NGDN: variants seen among roughly 807,000 people sequenced by gnomAD.
NGDN encodes the protein EIF4E-binding protein.
In NGDN, 41 loss-of-function variants were observed where a neutral mutation model predicts 45.2. The observed-to-expected ratio is 0.91, with a 90% CI of 0.71 to 1.18. The LOEUF (loss-of-function observed/expected upper bound fraction) is 1.18, where lower values mean the gene tolerates loss of function less well. Among genes scored for constraint, NGDN ranks in the 50% most tolerant of loss-of-function variants. The probability of loss-of-function intolerance (pLI) is 0.00; values close to 1 mark genes in which losing one functional copy is unlikely to be tolerated. For missense variants in NGDN, 402 were observed against 399.9 expected, an observed-to-expected ratio of 1.01 and a Z score of -0.05; for synonymous variants, 137 against 130.9, an observed-to-expected ratio of 1.05 and a Z score of -0.32.
In NGDN at chr14:23,475,721, T is replaced by C. The variant is rs770656290; in HGVS notation, c.368-5T>C. ...TTGTAAAATTCATTGGGTTATTTAT[T>C]TCAGGTGAGAATGACCCACTTCGTT... On this transcript the variant is annotated splice_region_variant and splice_polypyrimidine_tract_variant and intron_variant, in intron 5 of 10. Coordinates refer to ENST00000408901, the MANE Select transcript of NGDN (RefSeq NM_001042635.2). The C allele has an allele frequency of 3.7e-6, 6 of 1,614,022 alleles. No homozygotes were observed. Among genetic ancestry groups the C allele is most frequent in the Non-Finnish European group, 4.2e-6 (5 of 1,179,984 alleles).
At chr14:23,471,004 C>T in intron 3 of NGDN, 27 bp downstream of exon 3, 2 of 1,435,908 alleles carry the variant, frequency 1.4e-6, no homozygotes, top group Non-Finnish European at 1.9e-6. Context: ...CAGTAAGCAT[C>T]CCCTGACTTA....
intron 3 of NGDN, among the ~76,000 whole-genome samples, chr14:23,473,374 T>C (rs750410329): frequency 1.9e-4 from 29 of 152,384 alleles, no homozygotes; most frequent in Admixed American, 7.8e-4. Context: ...TAGATCCCTA[T>C]ATATTTGTTT....
At chr14:23,471,221 G>T (rs934642899) in intron 3 of NGDN, 4 of 365,848 alleles carry the variant, frequency 1.1e-5, no homozygotes, top group Admixed American at 9.3e-5. Context: ...ACTGCCAGAA[G>T]AGCAGAGGGA....
intron 3 of NGDN, among the ~76,000 whole-genome samples, chr14:23,473,646 G>A (rs898099780): frequency 3.9e-5 from 6 of 151,986 alleles, no homozygotes; most frequent in African/African-American, 9.7e-5. Flanking sequence ...CCAACATGGC[G>A]AAACCCCGTC....
rs887113091 is a variant in NGDN, at chr14:23,475,795, T to G, written c.420+17T>G. 6.2e-7 allele frequency: 1 copy of G among 1,609,180 alleles called. No homozygotes were observed. The highest frequency in any genetic ancestry group is 1.1e-5 in the South Asian group (1 of 90,776). On this transcript the variant is annotated intron_variant, in intron 6 of 10. Coordinates refer to ENST00000408901, the MANE Select transcript of NGDN (RefSeq NM_001042635.2). ...ATGAGCAAGGTAAGGGGTTGTAGTA[T>G]TCTCCTGATTTTTTTCTGAGGCAGC...
chr14:23,472,114 G>C (rs947002703), intron 3 of NGDN, among the ~76,000 whole-genome samples: 5 of 150,458 alleles, frequency 3.3e-5, no homozygotes, highest in Non-Finnish European at 7.4e-5. Flanking sequence ...GAGCCCAGGA[G>C]GTCGAGGCTG....
rs547054102 is a variant in NGDN at position 23,475,064 on chromosome 14, G to T, written c.145-107G>T. 4 of 1,199,596 alleles carry T rather than the reference G, an allele frequency of 3.3e-6. No homozygotes were observed. In the African/African-American group the frequency reaches 4.6e-5, roughly 14 times the overall value. The allele number at this position is 1,199,596 out of a possible 1,614,324, so 74.3% of individuals were successfully genotyped here. ...CTATTCCAGATACCTAATATGAACTGATTGGGAAAATCTTGAACTTGGAAA... is the reference window on the plus strand; with the variant it reads ...CTATTCCAGATACCTAATATGAACTTATTGGGAAAATCTTGAACTTGGAAA... On this transcript the variant is annotated intron_variant, in intron 3 of 10. Coordinates refer to ENST00000408901, the MANE Select transcript of NGDN (RefSeq NM_001042635.2).
At chr14:23,470,581 C>T (rs1319810367) in intron 2 of NGDN, among the ~76,000 whole-genome samples, 4 of 152,138 alleles carry the variant, frequency 2.6e-5, no homozygotes, top group African/African-American at 9.7e-5. Flanking sequence ...AGTCATAAGT[C>T]GGGGAGTTAT....
chr14:23,477,940 C>T, intron 10 of NGDN, 67 bp from the exon 11 acceptor site: 2 of 1,614,000 alleles, frequency 1.2e-6, no homozygotes, highest in Non-Finnish European at 1.7e-6. Flanking sequence ...TCTAGATGTC[C>T]TGTTTTCCTG....
intron 3 of NGDN, chr14:23,471,202 G>T: frequency 5.2e-6 from 2 of 381,900 alleles, no homozygotes; most frequent in Admixed American, 9.1e-5. Flanking sequence ...CAAAGAGAGG[G>T]ATTAATTAAC....
chr14:23,475,180 T>C lies in NGDN; in HGVS notation c.154T>C (p.Phe52Leu). Residue 52 changes from phenylalanine to leucine, a missense_variant, in exon 4 of 11, where the codon TTC becomes CTC. Phe to Leu is a conservative substitution (Grantham distance 22, BLOSUM62 0). Coordinates refer to ENST00000408901, the MANE Select transcript of NGDN (RefSeq NM_001042635.2). The stretch of plus-strand genomic sequence containing the variant: ...GTTTTGTTCAACTCAGGGTCTCAGC[T>C]TCTTGGAAGTGAAAGACCAGCTGCT... ...GAYPTEKGLS[F>L]LEVKDQLLLM... 5.0e-6 allele frequency: 8 copies of C among 1,612,012 alleles called. No homozygotes were observed. Among genetic ancestry groups the C allele is most frequent in the Non-Finnish European group, 5.9e-6 (7 of 1,179,420 alleles).
intron 3 of NGDN, among the ~76,000 whole-genome samples, chr14:23,473,131 C>G (rs533183335): frequency 6.6e-6 from 1 of 152,284 alleles, no homozygotes; most frequent in Admixed American, 6.5e-5. Context: ...TTCCGAGTAG[C>G]TGGGATTACA....
chr14:23,469,851 C>T (rs371899688), intron 1 of NGDN, 124 bp downstream of exon 1: 2 of 1,373,956 alleles, frequency 1.5e-6, no homozygotes, highest in East Asian at 2.3e-5. Context: ...GGGAGGCGGC[C>T]TCCCTAGAGT....
At chr14:23,473,145 G>A (rs1409898511) in intron 3 of NGDN, among the ~76,000 whole-genome samples, 2 of 152,032 alleles carry the variant, frequency 1.3e-5, no homozygotes, top group African/African-American at 2.4e-5. Context: ...GATTACAGGC[G>A]CCCGCCACCA....
At chr14:23,471,071 T>A in intron 3 of NGDN, 94 bp downstream of exon 3, 1 of 815,306 alleles carries the variant, frequency 1.2e-6, no homozygotes. Context: ...TCCTAAGTGC[T>A]CGAGCTTCAA....
intron 2 of NGDN, among the ~76,000 whole-genome samples, chr14:23,470,567 A>G (rs919809231): frequency 1.3e-5 from 2 of 152,246 alleles, no homozygotes; most frequent in Non-Finnish European, 2.9e-5. Flanking sequence ...TAAAGTGGAA[A>G]TTAAGTCATA....
chr14:23,471,960 G>A (rs568118188), intron 3 of NGDN, among the ~76,000 whole-genome samples: 7 of 152,256 alleles, frequency 4.6e-5, no homozygotes, highest in African/African-American at 1.4e-4. Flanking sequence ...GGAGGCCAGA[G>A]TGGGAGGATT....
chr14:23,475,467 A>G (rs1893876050), intron 4 of NGDN, 91 bp from the exon 5 acceptor site: 3 of 1,393,694 alleles, frequency 2.2e-6, no homozygotes, highest in Non-Finnish European at 3.0e-6. Context: ...TACATATTTT[A>G]GGTGCCTTAT....
chr14:23,472,014 G>GA (rs141263909), intron 3 of NGDN, among the ~76,000 whole-genome samples: 1,629 of 150,794 alleles, frequency 0.011, 29 homozygotes, highest in African/African-American at 0.037. Context: ...AATGTGGTGA[G>GA]ACCTATCTCT....
Sources: allele counts gnomAD v4.1 joint callset (sites outside exome capture counted in the v4.1 genomes callset), GRCh38; gene constraint gnomAD v4.1.1; transcripts MANE v1.5; gene names NCBI Gene and HGNC (gene_info 2026-07-23, HGNC 2026-07-21).